Variants in LOC400499 observed in about 807,000 individuals in gnomAD.
the LOC400499 span, among the ~76,000 whole-genome samples, chr16:11,429,363 A>T: frequency 6.6e-6 from 1 of 152,220 alleles, no homozygotes; most frequent in East Asian, 1.9e-4. Flanking sequence ...CTATGAGCCA[A>T]CGTCTTTGTA....
chr16:11,391,599 G>C, the LOC400499 span: 1 of 1,194,868 alleles, frequency 8.4e-7, no homozygotes, highest in Non-Finnish European at 1.0e-6. Context: ...TGAGCGCTTA[G>C]GGCCCCGGTG....
chr16:11,412,572 GTAATAGTTATTAAT>G, the LOC400499 span, among the ~76,000 whole-genome samples: 1 of 152,258 alleles, frequency 6.6e-6, no homozygotes, highest in Non-Finnish European at 1.5e-5. Context: ...CCTAAGGGCA[GTAATAGTTATTAAT>G]AAGTGTTTGG....
At chr16:11,431,594 T>C in the LOC400499 span, among the ~76,000 whole-genome samples, 1 of 152,118 alleles carries the variant, frequency 6.6e-6, no homozygotes, top group Non-Finnish European at 1.5e-5. Flanking sequence ...TTGGTAGAGA[T>C]GGGGTTTCAC....
the LOC400499 span, among the ~76,000 whole-genome samples, chr16:11,442,914 G>A: frequency 1.3e-5 from 2 of 152,034 alleles, no homozygotes; most frequent in Non-Finnish European, 2.9e-5. Flanking sequence ...CCTTATCCCC[G>A]GGGAGCCACA....
the LOC400499 span, among the ~76,000 whole-genome samples, chr16:11,383,469 C>A: frequency 6.6e-6 from 1 of 152,200 alleles, no homozygotes; most frequent in Non-Finnish European, 1.5e-5. Context: ...AGGCATGTAC[C>A]TGCCTCGAGG....
At chr16:11,446,871 CAGG>C in the LOC400499 span, 2 of 1,535,848 alleles carry the variant, frequency 1.3e-6, no homozygotes, top group East Asian at 4.9e-5. Flanking sequence ...AGGTCTCCTG[CAGG>C]AGGAGGCTCT....
the LOC400499 span, chr16:11,491,815 G>A: frequency 2.5e-6 from 1 of 398,990 alleles, no homozygotes; most frequent in Non-Finnish European, 4.4e-6. Context: ...TCCTCCTCCA[G>A]GGATTGGTAT....
chr16:11,417,051 G>A, the LOC400499 span, among the ~76,000 whole-genome samples: 1 of 152,080 alleles, frequency 6.6e-6, no homozygotes, highest in South Asian at 2.1e-4. Flanking sequence ...TCCTCTTGTT[G>A]CTTTTATCTT....
the LOC400499 span, among the ~76,000 whole-genome samples, chr16:11,447,433 C>G: frequency 6.6e-6 from 1 of 152,300 alleles, no homozygotes; most frequent in South Asian, 2.1e-4. Flanking sequence ...CAGAAGAGCA[C>G]TTGGTCCATA....
At chr16:11,522,540 C>T in the LOC400499 span, among the ~76,000 whole-genome samples, 1 of 152,278 alleles carries the variant, frequency 6.6e-6, no homozygotes, top group Non-Finnish European at 1.5e-5. Flanking sequence ...AAAATGTCCC[C>T]AGGGGAGGGA....
At chr16:11,439,023 T>C in the LOC400499 span, among the ~76,000 whole-genome samples, 1 of 152,058 alleles carries the variant, frequency 6.6e-6, no homozygotes, top group Non-Finnish European at 1.5e-5. Flanking sequence ...TCCACATCCT[T>C]GAATTAGCCA....
the LOC400499 span, chr16:11,440,948 A>G: frequency 2.5e-6 from 1 of 399,084 alleles, no homozygotes; most frequent in East Asian, 3.6e-5. Flanking sequence ...CCTGGTAGGA[A>G]TGGGCCAAGT....
chr16:11,500,316 T>G, the LOC400499 span, among the ~76,000 whole-genome samples: 187 of 152,140 alleles, frequency 1.2e-3, no homozygotes, highest in Admixed American at 2.8e-3. Context: ...GAGACCAGCC[T>G]GGCCAACATG....
the LOC400499 span, among the ~76,000 whole-genome samples, chr16:11,437,283 G>T: frequency 2.6e-5 from 4 of 152,186 alleles, no homozygotes; most frequent in African/African-American, 9.7e-5. Context: ...AGGCTGGCAG[G>T]GCACGATGAC....
chr16:11,437,199 T>C, the LOC400499 span, among the ~76,000 whole-genome samples: 1 of 152,146 alleles, frequency 6.6e-6, no homozygotes, highest in Admixed American at 6.6e-5. Flanking sequence ...GAGGATTTTT[T>C]AGGGCAGGGA....
At chr16:11,521,454 A>G in the LOC400499 span, among the ~76,000 whole-genome samples, 1 of 152,210 alleles carries the variant, frequency 6.6e-6, no homozygotes, top group Non-Finnish European at 1.5e-5. Flanking sequence ...GCCTTAACCC[A>G]GGACTAACAC....
the LOC400499 span, among the ~76,000 whole-genome samples, chr16:11,481,954 G>C: frequency 6.6e-6 from 1 of 151,750 alleles, no homozygotes; most frequent in Non-Finnish European, 1.5e-5. Flanking sequence ...CGTTAAAATG[G>C]TTATTTTTAC....
chr16:11,432,923 A>AC, the LOC400499 span, among the ~76,000 whole-genome samples: 1 of 152,192 alleles, frequency 6.6e-6, no homozygotes, highest in Admixed American at 6.5e-5. Context: ...GTTTACTGAA[A>AC]CTACTTTGAG....
chr16:11,462,567 C>A, the LOC400499 span: 2 of 299,012 alleles, frequency 6.7e-6, no homozygotes, highest in Non-Finnish European at 9.9e-6. Flanking sequence ...GGATTACAGT[C>A]ACGTGCCACC....
Sources: allele counts gnomAD v4.1 joint callset (sites outside exome capture counted in the v4.1 genomes callset), GRCh38; gene constraint gnomAD v4.1.1; transcripts MANE v1.5.